The following HIPK2 variants were observed in gnomAD, a reference collection of about 807,000 sequenced individuals.
The protein encoded by HIPK2 is homeodomain-interacting protein kinase 2.
A neutral mutation model predicts 113.7 loss-of-function variants in HIPK2; 27 were observed. The observed-to-expected ratio is 0.24, with a 90% CI of 0.17 to 0.33. The LOEUF (loss-of-function observed/expected upper bound fraction) is 0.33. HIPK2 is among the 10% of genes least tolerant of loss of function. HIPK2 has a pLI of 1.00. For missense variants in HIPK2, 1,257 were observed against 1,588.0 expected (o/e 0.79, Z 3.54); for synonymous variants, 631 against 642.2 (o/e 0.98, Z 0.26).
rs1053028731 is a variant in HIPK2, at chr7:139,732,888, C to T, written c.20-15873G>A. On this transcript the variant is annotated intron_variant, in intron 1 of 14. Transcript: ENST00000406875. The stretch of plus-strand genomic sequence containing the variant: ...GATATGGTTTGGATCAGTGTCCCCA[C>T]CCAAATCTTAAATTGTAATCCCCAG... Among the ~76,000 whole-genome samples the T allele has an allele frequency of 5.3e-5, 8 of 151,120 alleles. No homozygotes were observed. In the East Asian group the frequency reaches 1.5e-3, roughly 29 times the overall value.
In HIPK2 at chr7:139,731,799, A is replaced by C. The variant is rs1292539908; in HGVS notation, c.20-14784T>G. Among the ~76,000 whole-genome samples the C allele has an allele frequency of 2.6e-5, 4 of 152,212 alleles. No individual in the cohort carries two copies. In the East Asian group the frequency reaches 7.7e-4, roughly 29 times the overall value. On this transcript the variant is annotated intron_variant, in intron 1 of 14. Coordinates refer to ENST00000406875, the MANE Select transcript of HIPK2 (RefSeq NM_022740.5). Reference sequence around the variant, plus strand: ...ATAATCCATCCTTCTTACTTGATTTAAATAGCAACTGCTATTTACAACAGG... The same window carrying C: ...ATAATCCATCCTTCTTACTTGATTTCAATAGCAACTGCTATTTACAACAGG...
chr7:139,719,514 CAT>C (rs1585418244), intron 1 of HIPK2, among the ~76,000 whole-genome samples: 3 of 152,192 alleles, frequency 2.0e-5, no homozygotes, highest in Admixed American at 6.5e-5. Flanking sequence ...GTGACCCCCA[CAT>C]GTTTATCACA....
At chr7:139,748,065 G>A (rs1175116675) in intron 1 of HIPK2, among the ~76,000 whole-genome samples, 1 of 152,020 alleles carries the variant, frequency 6.6e-6, no homozygotes, top group African/African-American at 2.4e-5. Flanking sequence ...TGGTCTTGAA[G>A]AAAATATTTT....
chr7:139,727,122 T>A (rs1323650264), intron 1 of HIPK2, among the ~76,000 whole-genome samples: 1 of 152,182 alleles, frequency 6.6e-6, no homozygotes, highest in African/African-American at 2.4e-5. Context: ...TAAAGCTGTT[T>A]CCCAGGAGAA....
intron 1 of HIPK2, among the ~76,000 whole-genome samples, chr7:139,740,778 T>C (rs1796078073): frequency 6.6e-6 from 1 of 152,232 alleles, no homozygotes; most frequent in Non-Finnish European, 1.5e-5. Flanking sequence ...GTATCAGGCA[T>C]GTGTCCCCTC....
chr7:139,606,917 G>C (rs1197870723), intron 9 of HIPK2, among the ~76,000 whole-genome samples: 1 of 152,080 alleles, frequency 6.6e-6, no homozygotes, highest in African/African-American at 2.4e-5. Flanking sequence ...AATAAAATAA[G>C]CAAACAAAAG....
chr7:139,772,673 C>T (rs1012951334), intron 1 of HIPK2, among the ~76,000 whole-genome samples: 16 of 152,024 alleles, frequency 1.1e-4, no homozygotes, highest in African/African-American at 3.6e-4. Context: ...CTGCAACCTC[C>T]GCCTCCTGGG....
At chr7:139,745,443 T>C (rs980187395) in intron 1 of HIPK2, among the ~76,000 whole-genome samples, 1 of 152,058 alleles carries the variant, frequency 6.6e-6, no homozygotes, top group Non-Finnish European at 1.5e-5. Flanking sequence ...GGGGAACCAC[T>C]TGAGAAGGAA....
chr7:139,631,078 G>C lies in HIPK2; in HGVS notation c.1347+87C>G. The C allele has an allele frequency of 1.3e-6, 2 of 1,491,190 alleles. No homozygotes were observed. The highest frequency in any genetic ancestry group is 9.0e-7 in the Non-Finnish European group (1 of 1,115,368). The allele number at this position is 1,491,190 out of a possible 1,614,324, so 92.4% of individuals were successfully genotyped here. A position where few individuals can be genotyped will look rare whatever the true frequency, so the allele number is the denominator to read the frequency against. On this transcript the variant is annotated intron_variant, in intron 4 of 14. Transcript: ENST00000406875. The surrounding 1 kb of genome is among the most constrained non-coding windows in gnomAD (Gnocchi z 4.9). ...CCCCAGTGCCCTCATTTTGCTGACTGAATCAAAAGCTCCCCACTAATGGGT... is the reference window on the plus strand; with the variant it reads ...CCCCAGTGCCCTCATTTTGCTGACTCAATCAAAAGCTCCCCACTAATGGGT...
At chr7:139,621,252 G>A (rs1038337614) in intron 6 of HIPK2, among the ~76,000 whole-genome samples, 1 of 152,312 alleles carries the variant, frequency 6.6e-6, no homozygotes, top group Non-Finnish European at 1.5e-5. Flanking sequence ...CCTACTTCAC[G>A]AGTAAGGCTG....
intron 10 of HIPK2, 123 bp downstream of exon 10, chr7:139,603,958 T>C: frequency 7.5e-7 from 1 of 1,333,906 alleles, no homozygotes; most frequent in Non-Finnish European, 1.0e-6. Context: ...TTTTAGAAGC[T>C]TTAAAAAGCT....
chr7:139,607,584 G>A (rs2116736193), intron 9 of HIPK2, among the ~76,000 whole-genome samples: 1 of 151,966 alleles, frequency 6.6e-6, no homozygotes, highest in South Asian at 2.1e-4. Context: ...GGAAAAATGA[G>A]GCAATCATTA....
intron 2 of HIPK2, among the ~76,000 whole-genome samples, chr7:139,687,905 A>G (rs1414206305): frequency 6.6e-6 from 1 of 152,114 alleles, no homozygotes; most frequent in Non-Finnish European, 1.5e-5. Context: ...AGGAGATGAA[A>G]TTTCCCAGAG....
rs941462397 is a variant in HIPK2, at chr7:139,714,839, C to A, written c.1103+1093G>T. 6.6e-6 allele frequency among the ~76,000 whole-genome samples: 1 copy of A among 152,226 alleles called. No individual in the cohort carries two copies. Among genetic ancestry groups the A allele is most frequent in the African/African-American group, 2.4e-5 (1 of 41,464 alleles). On this transcript the variant is annotated intron_variant, in intron 2 of 14. Coordinates refer to ENST00000406875, the MANE Select transcript of HIPK2 (RefSeq NM_022740.5). This position sits in a 1 kb window ranked among gnomAD's most constrained non-coding sequence, Gnocchi z 4.2. ...GCAGGGTCTTGCTTTCCATCCCTGC[C>A]GCCTCCCCGCTGTGCACCCGCCATG... is the stretch of plus-strand genomic sequence containing the variant.
chr7:139,594,299 C>A (rs1444406912), intron 12 of HIPK2, among the ~76,000 whole-genome samples: 1 of 152,114 alleles, frequency 6.6e-6, no homozygotes, highest in Admixed American at 6.5e-5. Context: ...TTGTTTATTA[C>A]CCTGCAAACC....
chr7:139,730,073 A>G (rs1294434957), intron 1 of HIPK2, among the ~76,000 whole-genome samples: 1 of 152,198 alleles, frequency 6.6e-6, no homozygotes, highest in Non-Finnish European at 1.5e-5. Flanking sequence ...TATCCTTTAG[A>G]AATGTTTGGT....
intron 9 of HIPK2, among the ~76,000 whole-genome samples, chr7:139,604,893 G>C (rs1220777569): frequency 6.6e-6 from 1 of 152,120 alleles, no homozygotes; most frequent in East Asian, 1.9e-4. Flanking sequence ...TAGGGTAGTT[G>C]AGTTGAGCTA....
In HIPK2 at chr7:139,573,220, G is replaced by C; in HGVS notation, c.3304C>G (p.Leu1102Val). 1 of 1,605,426 alleles carries C rather than the reference G, an allele frequency of 6.2e-7. No homozygotes were observed. The highest frequency in any genetic ancestry group is 8.5e-7 in the Non-Finnish European group (1 of 1,179,540). ...GCCGCCGGCGCAGTGTAGGTGTAGA[G>C]GTGGGGCTGGGTGGGGAGGTGGGCA... ...AAAHLPTQPH[L>V]YTYTAPAALG... The change falls in exon 15 of 15, where the codon CTC becomes GTC. Residue 1102 changes from leucine (L) to valine (V), a missense_variant. By Grantham distance (32) the Leu-to-Val change is conservative. Around this residue, in one of 5 missense-constraint regions of HIPK2, gnomAD observed 862 missense variants for 1,004.3 expected, o/e 0.86. Transcript: ENST00000406875.
Position 139,572,894 on chromosome 7 carries a change from T to TACCAGA in HIPK2, c.*32_*33insTCTGGT. On this transcript the variant is annotated 3_prime_UTR_variant, in exon 15 of 15. Transcript: ENST00000406875. Reference sequence around the variant, plus strand: ...CTCCCTCCTCCCTCGGGCCATTCTCTCCCTCCCTCCCTCCCTCCCTCCCCT... The same window carrying TACCAGA: ...CTCCCTCCTCCCTCGGGCCATTCTCTACCAGACCCTCCCTCCCTCCCTCCCTCCCCT... 1 of 554,278 alleles carries TACCAGA rather than the reference T, an allele frequency of 1.8e-6. No homozygotes were observed. Among genetic ancestry groups the TACCAGA allele is most frequent in the Non-Finnish European group, 3.3e-6 (1 of 302,510 alleles). The allele number at this position is 554,278 out of a possible 1,614,324, so 34.3% of individuals were successfully genotyped here. A position where few individuals can be genotyped will look rare whatever the true frequency, so the allele number is the denominator to read the frequency against.
Sources: gnomAD v4.1 joint callset for allele counts (sites outside exome capture counted in the v4.1 genomes callset) on GRCh38, gnomAD v4.1.1 for gene constraint, gnomAD v4.1.1 regional missense constraint, Gnocchi (gnomAD v3.1) non-coding constraint, MANE v1.5 for transcripts, NCBI Gene and HGNC (gene_info 2026-07-23, HGNC 2026-07-21) for gene names.